The following OXR1 variants were observed in gnomAD, a reference collection of about 807,000 sequenced individuals.
OXR1 encodes the protein oxidation resistance 1.
A neutral mutation model predicts 104.6 loss-of-function variants in OXR1; 41 were observed. That is an observed-to-expected ratio of 0.39 (90% CI 0.31 to 0.51). The LOEUF (loss-of-function observed/expected upper bound fraction) is 0.51. Ranked by LOEUF, OXR1 falls within the 20% of genes least tolerant of loss-of-function variation. OXR1 has a pLI of 0.77. For synonymous variants in OXR1, 348 were observed against 348.4 expected (o/e 1.00, Z 0.01); for missense variants, 955 against 1,031.9 (o/e 0.93, Z 1.02).
intron 2 of OXR1, among the ~76,000 whole-genome samples, chr8:106,419,548 T>C (rs1437194674): frequency 1.3e-5 from 2 of 152,172 alleles, no homozygotes; most frequent in Admixed American, 6.5e-5. Context: ...GTGAGACTTG[T>C]TATCCTGCAT....
intron 2 of OXR1, among the ~76,000 whole-genome samples, chr8:106,475,901 C>A (rs937150274): frequency 2.6e-5 from 4 of 151,714 alleles, no homozygotes; most frequent in African/African-American, 4.8e-5. Context: ...CTTTTTTTGC[C>A]ATATCCACAA....
At chr8:106,471,829 A>C (rs1255445460) in intron 2 of OXR1, among the ~76,000 whole-genome samples, 1 of 151,892 alleles carries the variant, frequency 6.6e-6, no homozygotes, top group Admixed American at 6.6e-5. Flanking sequence ...TTTATTTTGA[A>C]ATAATTTTAG....
At chr8:106,591,298 GA>G (rs1819065409) in intron 3 of OXR1, among the ~76,000 whole-genome samples, 1 of 96,876 alleles carries the variant, frequency 1.0e-5, no homozygotes, top group Admixed American at 1.2e-4. Context: ...GGGGTGGGGG[GA>G]GGGGGGAGGG....
intron 2 of OXR1, among the ~76,000 whole-genome samples, chr8:106,392,407 G>A (rs1586597742): frequency 6.6e-6 from 1 of 152,268 alleles, no homozygotes; most frequent in African/African-American, 2.4e-5. Context: ...GGCAGTTGGA[G>A]AAGATAAAAT....
intron 3 of OXR1, among the ~76,000 whole-genome samples, chr8:106,551,769 G>A (rs1423799969): frequency 2.0e-5 from 3 of 148,154 alleles, no homozygotes; most frequent in African/African-American, 7.4e-5. Flanking sequence ...GCAACAAAGT[G>A]AGACCCTGTC....
intron 16 of OXR1, among the ~76,000 whole-genome samples, chr8:106,748,966 T>C (rs1407368385): frequency 6.6e-6 from 1 of 152,192 alleles, no homozygotes; most frequent in Non-Finnish European, 1.5e-5. Flanking sequence ...GTAATTAATA[T>C]ACATTATATA....
At chr8:106,454,905 T>C (rs544795233) in intron 2 of OXR1, among the ~76,000 whole-genome samples, 1 of 152,318 alleles carries the variant, frequency 6.6e-6, no homozygotes, top group Non-Finnish European at 1.5e-5. Flanking sequence ...TCTTCCGCCT[T>C]GCCACCCTCT....
chr8:106,733,521 A>G (rs1834081340), intron 11 of OXR1, among the ~76,000 whole-genome samples: 1 of 152,082 alleles, frequency 6.6e-6, no homozygotes, highest in Non-Finnish European at 1.5e-5. Flanking sequence ...ATTTGATTCC[A>G]TATTCTTTCA....
At chr8:106,396,046 C>G (rs747977748) in intron 2 of OXR1, among the ~76,000 whole-genome samples, 1 of 152,030 alleles carries the variant, frequency 6.6e-6, no homozygotes, top group Admixed American at 6.6e-5. Context: ...AAGCATAAAA[C>G]AAATGTCCAT....
chr8:106,593,196 CTT>C (rs1232132307), intron 3 of OXR1, among the ~76,000 whole-genome samples: 1 of 152,138 alleles, frequency 6.6e-6, no homozygotes, highest in African/African-American at 2.4e-5. Context: ...AGATCCCAAT[CTT>C]GAGATCAAGG....
At chr8:106,735,545 T>A (rs1480915355) in intron 11 of OXR1, among the ~76,000 whole-genome samples, 4 of 152,042 alleles carry the variant, frequency 2.6e-5, no homozygotes, top group African/African-American at 9.7e-5. Context: ...ATGAAGGAGT[T>A]TTAGAATATA....
At chr8:106,407,834 T>C (rs1400154659) in intron 2 of OXR1, among the ~76,000 whole-genome samples, 1 of 152,182 alleles carries the variant, frequency 6.6e-6, no homozygotes, top group Non-Finnish European at 1.5e-5. Context: ...ATTTTGGCCT[T>C]CTGTACAATT....
intron 2 of OXR1, among the ~76,000 whole-genome samples, chr8:106,431,709 C>G (rs1819367740): frequency 6.6e-6 from 1 of 152,168 alleles, no homozygotes; most frequent in Non-Finnish European, 1.5e-5. Context: ...ATTAGGCACT[C>G]ACAGTGTATT....
chr8:106,643,978 T>C (rs1823869719), intron 3 of OXR1, among the ~76,000 whole-genome samples: 1 of 152,228 alleles, frequency 6.6e-6, no homozygotes. Flanking sequence ...TGTACTTTTA[T>C]GGGAGAACAG....
intron 16 of OXR1, among the ~76,000 whole-genome samples, chr8:106,748,993 A>T (rs908133064): frequency 6.6e-6 from 1 of 152,156 alleles, no homozygotes; most frequent in African/African-American, 2.4e-5. Context: ...GCTGTTTTTT[A>T]TTACAGAGTA....
chr8:106,525,405 G>T (rs1188824689), intron 3 of OXR1, among the ~76,000 whole-genome samples: 1 of 152,176 alleles, frequency 6.6e-6, no homozygotes, highest in African/African-American at 2.4e-5. Context: ...CAGAGCAAAG[G>T]CTCTTAAACA....
chr8:106,589,909 C>T (rs563021581), intron 3 of OXR1, among the ~76,000 whole-genome samples: 1 of 152,222 alleles, frequency 6.6e-6, no homozygotes, highest in South Asian at 2.1e-4. Context: ...TCAGGTGACC[C>T]GCCCACCTCA....
chr8:106,644,319 C>T lies in OXR1; in HGVS notation c.221-34891C>T, dbSNP rs1020158966. Among the ~76,000 whole-genome samples, 11 of 152,152 alleles carry T rather than the reference C, an allele frequency of 7.2e-5. No individual in the cohort carries two copies. In the East Asian group the frequency reaches 1.9e-3, roughly 27 times the overall value. On this transcript the variant is annotated intron_variant, in intron 3 of 16. Coordinates refer to ENST00000517566, the MANE Select transcript of OXR1 (RefSeq NM_001198533.2). ...GACAATTGAAAAGCAAAATCATTAACAAATCAGGTGATCTTTAGCATATTA... is the reference window on the plus strand; with the variant it reads ...GACAATTGAAAAGCAAAATCATTAATAAATCAGGTGATCTTTAGCATATTA...
At chr8:106,747,159 C>T (rs759180635) in intron 16 of OXR1, among the ~76,000 whole-genome samples, 3 of 152,056 alleles carry the variant, frequency 2.0e-5, no homozygotes, top group Non-Finnish European at 4.4e-5. Flanking sequence ...GCTTTGGAGT[C>T]CAATAGACAT....
Sources: allele counts gnomAD v4.1 joint callset (sites outside exome capture counted in the v4.1 genomes callset), GRCh38; gene constraint gnomAD v4.1.1; transcripts MANE v1.5; gene names NCBI Gene and HGNC (gene_info 2026-07-23, HGNC 2026-07-21).